The following VPS36 variants were observed in gnomAD, a reference collection of about 807,000 sequenced individuals.
VPS36 encodes vacuolar protein sorting 36 homolog, also known as vacuolar protein-sorting-associated protein 36.
In VPS36, 31 loss-of-function variants were observed where a neutral mutation model predicts 63.5. The ratio of observed to expected loss-of-function variants is 0.49; its 90% CI spans 0.37 to 0.66. The LOEUF (loss-of-function observed/expected upper bound fraction) is 0.66, where lower values mean the gene tolerates loss of function less well. VPS36 is among the 30% of genes least tolerant of loss of function. The pLI, the probability that VPS36 is intolerant of heterozygous loss-of-function variation, is 0.00. For missense variants in VPS36, 338 were observed against 463.7 expected (o/e 0.73, Z 2.49); for synonymous variants, 138 against 157.2 (o/e 0.88, Z 0.91).
chr13:52,441,819 A>C (rs1958280291), intron 2 of VPS36, among the ~76,000 whole-genome samples: 1 of 152,192 alleles, frequency 6.6e-6, no homozygotes, highest in Non-Finnish European at 1.5e-5. Flanking sequence ...CTCATTATCT[A>C]GGTAAAAGCA....
At chr13:52,432,561 C>G (rs1026800097) in intron 6 of VPS36, among the ~76,000 whole-genome samples, 3 of 152,118 alleles carry the variant, frequency 2.0e-5, no homozygotes, top group African/African-American at 7.2e-5. Context: ...ACAGAATTAT[C>G]ACTATTTACC....
intron 6 of VPS36, chr13:52,429,358 T>C: frequency 1.1e-6 from 1 of 921,780 alleles, no homozygotes; most frequent in Non-Finnish European, 1.3e-6. Context: ...TTATCCATGC[T>C]GGTCATCTGC....
intron 10 of VPS36, among the ~76,000 whole-genome samples, chr13:52,421,716 G>T (rs1439362544): frequency 2.0e-5 from 3 of 151,756 alleles, no homozygotes; most frequent in Non-Finnish European, 4.4e-5. Flanking sequence ...TAGAGATAGG[G>T]TTTCACCATG....
At chr13:52,419,071 A>G (rs1386227076) in intron 10 of VPS36, among the ~76,000 whole-genome samples, 1 of 152,278 alleles carries the variant, frequency 6.6e-6, no homozygotes, top group Non-Finnish European at 1.5e-5. Context: ...ATGAGGTAAC[A>G]CATGCAGAGT....
chr13:52,425,856 G>C, intron 9 of VPS36, 76 bp downstream of exon 9: 1 of 1,421,104 alleles, frequency 7.0e-7, no homozygotes, highest in East Asian at 2.4e-5. Flanking sequence ...AAATAGTTAT[G>C]CTCTTGTTAA....
chr13:52,430,398 T>A (rs181910630), intron 6 of VPS36, among the ~76,000 whole-genome samples: 1 of 152,076 alleles, frequency 6.6e-6, no homozygotes, highest in Non-Finnish European at 1.5e-5. Context: ...TTTGGGAGGC[T>A]GAGGCGACCG....
intron 4 of VPS36, 89 bp from the exon 5 acceptor site, chr13:52,434,971 C>CTTTTT (rs869257101): frequency 2.5e-6 from 2 of 809,178 alleles, no homozygotes; most frequent in Admixed American, 3.6e-5. Context: ...TTCTTTTTTT[C>CTTTTT]TTTTTTTTTT....
chr13:52,428,738 AT>A (rs1170834489), intron 6 of VPS36, among the ~76,000 whole-genome samples: 1 of 152,096 alleles, frequency 6.6e-6, no homozygotes, highest in African/African-American at 2.4e-5. Flanking sequence ...ATATTAATAG[AT>A]TTTTTTATCT....
chr13:52,426,157 T>C (rs1958099170), intron 8 of VPS36, 91 bp from the exon 9 acceptor site: 3 of 1,484,234 alleles, frequency 2.0e-6, no homozygotes, highest in Non-Finnish European at 2.8e-6. Context: ...CTCAATTATG[T>C]CTACATATCC....
intron 3 of VPS36, among the ~76,000 whole-genome samples, chr13:52,437,139 G>A (rs1958227336): frequency 6.6e-6 from 1 of 151,546 alleles, no homozygotes; most frequent in African/African-American, 2.4e-5. Context: ...CGGGTACCTA[G>A]TTTAGTGCTT....
chr13:52,438,410 T>C (rs983327645), intron 3 of VPS36, among the ~76,000 whole-genome samples: 1 of 152,212 alleles, frequency 6.6e-6, no homozygotes, highest in African/African-American at 2.4e-5. Flanking sequence ...AAGGCATGCA[T>C]TGCATGTCCA....
At chr13:52,421,242 TTA>T (rs1958042518) in intron 10 of VPS36, among the ~76,000 whole-genome samples, 1 of 152,152 alleles carries the variant, frequency 6.6e-6, no homozygotes, top group South Asian at 2.1e-4. Flanking sequence ...CTGGAGGATA[TTA>T]TGTTAAGTGA....
At chr13:52,437,531 C>A (rs544834173) in intron 3 of VPS36, among the ~76,000 whole-genome samples, 1 of 151,982 alleles carries the variant, frequency 6.6e-6, no homozygotes, top group Non-Finnish European at 1.5e-5. Flanking sequence ...TGAGTATAAT[C>A]GAAAAAAGTT....
intron 2 of VPS36, 60 bp downstream of exon 2, chr13:52,442,316 GT>G: frequency 6.8e-7 from 1 of 1,476,008 alleles, no homozygotes; most frequent in Non-Finnish European, 9.2e-7. Flanking sequence ...GCGAGACCCT[GT>G]CTCTAAAAAA....
In VPS36 at chr13:52,433,675, T is replaced by C. The variant is rs201878072; in HGVS notation, c.515A>G (p.Lys172Arg). ...TTTAACAGTTACCTCAGAAATGTTT[T>C]TGTCAGTTTCTTTTCTTTTTTCTTC... is the stretch of plus-strand genomic sequence containing the variant. ...KLEEKRKETD[K>R]NISEAFEDLS... The change falls in exon 6 of 14, where the codon AAA becomes AGA. Residue 172 changes from lysine to arginine, a missense_variant. Physicochemically the swap from Lys to Arg is conservative, Grantham distance 26. Coordinates refer to ENST00000378060, the MANE Select transcript of VPS36 (RefSeq NM_016075.4). 13 of 1,613,302 alleles carry C rather than the reference T, an allele frequency of 8.1e-6. No individual in the cohort carries two copies. The Admixed American group carries it at 8.3e-5, about 10-fold the overall frequency.
At chr13:52,450,473 G>T (rs762302974) in intron 1 of VPS36, 26 bp downstream of exon 1, 3 of 1,579,848 alleles carry the variant, frequency 1.9e-6, no homozygotes, top group South Asian at 1.1e-5. Context: ...CCGCCAGCCC[G>T]TTGGGAAGGT....
intron 10 of VPS36, 107 bp from the exon 11 acceptor site, chr13:52,418,163 C>A: frequency 2.1e-6 from 2 of 954,390 alleles, no homozygotes; most frequent in Admixed American, 3.0e-5. Context: ...GTGATTTAAT[C>A]ACTACAAAGC....
chr13:52,439,982 A>ATTT (rs1175787551), intron 2 of VPS36, among the ~76,000 whole-genome samples: 1 of 145,152 alleles, frequency 6.9e-6, no homozygotes, highest in Non-Finnish European at 1.5e-5. Context: ...CATATGTTTA[A>ATTT]TTTTTTTTTT....
chr13:52,415,296 T>C lies in VPS36; in HGVS notation c.*534A>G, dbSNP rs921529990. 6.6e-6 allele frequency: 1 copy of C among 152,220 alleles called. No individual in the cohort carries two copies. The highest frequency in any genetic ancestry group is 1.5e-5 in the Non-Finnish European group (1 of 68,060). 9.4% of individuals were successfully genotyped at this position (152,220 alleles called of 1,614,324 possible). On this transcript the variant is annotated 3_prime_UTR_variant, in exon 14 of 14. Coordinates refer to ENST00000378060, the MANE Select transcript of VPS36 (RefSeq NM_016075.4). ...ACTAGATAGAATATATATAAATATA[T>C]GTGTCAAATAAAATTATTTCATTTT...
Sources: gnomAD v4.1 joint callset for allele counts (sites outside exome capture counted in the v4.1 genomes callset) on GRCh38, gnomAD v4.1.1 for gene constraint, MANE v1.5 for transcripts, NCBI Gene and HGNC (gene_info 2026-07-23, HGNC 2026-07-21) for gene names.